Variants in ATP1B1 observed in about 807,000 individuals in gnomAD.
ATP1B1 encodes the protein sodium/potassium-transporting ATPase subunit beta-1.
ATP1B1 carries 3 observed loss-of-function variants against 39.6 expected under a neutral mutation model. The ratio of observed to expected loss-of-function variants is 0.08; its 90% CI spans 0.03 to 0.20. The LOEUF (loss-of-function observed/expected upper bound fraction) is 0.20. Ranked by LOEUF, ATP1B1 falls within the 10% of genes least tolerant of loss-of-function variation. ATP1B1 has a pLI of 1.00. For missense variants in ATP1B1, 216 were observed against 371.1 expected, an observed-to-expected ratio of 0.58 and a Z score of 3.43; for synonymous variants, 139 against 135.0, an observed-to-expected ratio of 1.03 and a Z score of -0.20.
At chr1:169,107,273 G>A (rs1657616544) in intron 1 of ATP1B1, among the ~76,000 whole-genome samples, 1 of 150,708 alleles carries the variant, frequency 6.6e-6, no homozygotes, top group African/African-American at 2.5e-5. Flanking sequence ...TGTCTCTCCC[G>A]TGTCCTGAGT....
At chr1:169,113,769 G>A (rs146591759) in intron 2 of ATP1B1, among the ~76,000 whole-genome samples, 458 of 152,266 alleles carry the variant, frequency 3.0e-3, no homozygotes, top group African/African-American at 0.01. Flanking sequence ...CTTCTCCAAA[G>A]GAATGCTGGT....
chr1:169,112,141 G>T (rs1373658209), intron 2 of ATP1B1, among the ~76,000 whole-genome samples: 1 of 152,158 alleles, frequency 6.6e-6, no homozygotes, highest in Non-Finnish European at 1.5e-5. Flanking sequence ...CAGCTTTCTG[G>T]TCCCACTTTG....
intron 2 of ATP1B1, among the ~76,000 whole-genome samples, chr1:169,121,456 A>G (rs951520675): frequency 3.3e-5 from 5 of 152,160 alleles, no homozygotes; most frequent in African/African-American, 1.2e-4. Context: ...TTAATAGTGG[A>G]AACCGTGGAC....
At chr1:169,107,043 G>A (rs1266041282) in intron 1 of ATP1B1, 117 bp downstream of exon 1, 2 of 1,008,544 alleles carry the variant, frequency 2.0e-6, no homozygotes, top group African/African-American at 1.7e-5. Flanking sequence ...GGTGGCGGGG[G>A]CGAGGGTGGT....
intron 2 of ATP1B1, among the ~76,000 whole-genome samples, chr1:169,124,191 T>G (rs1010496805): frequency 2.6e-5 from 4 of 151,870 alleles, no homozygotes; most frequent in Non-Finnish European, 4.4e-5. Context: ...TGTAACAGAG[T>G]TTTAGAGAGT....
At position 169,130,027 on chromosome 1, in the gene ATP1B1, C is replaced by T; in HGVS notation, c.585C>T (p.Ser195=). 1 of 1,613,926 alleles carries T rather than the reference C, an allele frequency of 6.2e-7. No homozygotes were observed. Among genetic ancestry groups the T allele is most frequent in the Non-Finnish European group, 8.5e-7 (1 of 1,179,928 alleles). ...ATTTTTAGCCTCCCAAGAATGAGTC[C>T]TTGGAGACTTACCCAGTGATGAAGT... ...GFKPKPPKNE[S]LETYPVMKYN... The change falls in exon 5 of 6, where the codon TCC becomes TCT. Residue 195 remains serine, a synonymous_variant. Transcript: ENST00000367815.
In ATP1B1 at chr1:169,132,019, A is replaced by ATTTT. The variant is rs34447553; in HGVS notation, c.*483_*486dup. ...CAACGGGAATAAAACTGGCATGGTA[A>ATTTT]TTTTTTTTTTTTTTTTTTTTTTGTT... On this transcript the variant is annotated 3_prime_UTR_variant, in exon 6 of 6. Coordinates refer to ENST00000367815, the MANE Select transcript of ATP1B1 (RefSeq NM_001677.4). The ATTTT allele has an allele frequency of 3.9e-3, 747 of 190,798 alleles. 14 individuals are homozygous for ATTTT. The highest frequency in any genetic ancestry group is 0.021 in the East Asian group (93 of 4,394). 11.8% of individuals were successfully genotyped at this position (190,798 alleles called of 1,614,324 possible).
intron 4 of ATP1B1, among the ~76,000 whole-genome samples, chr1:169,129,229 C>T (rs763033415): frequency 6.6e-6 from 1 of 152,212 alleles, no homozygotes; most frequent in Non-Finnish European, 1.5e-5. Flanking sequence ...GTATGTGTTA[C>T]ATCTCACATC....
At chr1:169,127,689 C>G (rs1658116956) in intron 4 of ATP1B1, among the ~76,000 whole-genome samples, 1 of 151,772 alleles carries the variant, frequency 6.6e-6, no homozygotes, top group African/African-American at 2.4e-5. Context: ...ATCCAGATAA[C>G]AGTTTCTATA....
In ATP1B1 at chr1:169,106,771, G is replaced by A. The variant is rs1359857679; in HGVS notation, c.-59G>A. ...AAGCCGAGCGGCGCAGAGGACGCCAGGGCGCGCGCCGCAGCCACCCACCCT... is the reference window on the plus strand; with the variant it reads ...AAGCCGAGCGGCGCAGAGGACGCCAAGGCGCGCGCCGCAGCCACCCACCCT... On this transcript the variant is annotated 5_prime_UTR_variant, in exon 1 of 6. Transcript: ENST00000367815. 3 of 1,434,794 alleles carry A rather than the reference G, an allele frequency of 2.1e-6. No homozygotes were observed. The highest frequency in any genetic ancestry group is 1.3e-5 in the South Asian group (1 of 79,420). 88.9% of individuals were successfully genotyped at this position (1,434,794 alleles called of 1,614,324 possible). A position where few individuals can be genotyped will look rare whatever the true frequency, so the allele number is the denominator to read the frequency against.
chr1:169,115,021 A>G (rs1657811694), intron 2 of ATP1B1, among the ~76,000 whole-genome samples: 2 of 151,828 alleles, frequency 1.3e-5, no homozygotes, highest in African/African-American at 4.8e-5. Context: ...CGTCTCTACT[A>G]AAAAATACAA....
In ATP1B1 at chr1:169,111,442, T is replaced by C. The variant is rs1179169639; in HGVS notation, c.170T>C (p.Met57Thr). 1.2e-6 allele frequency: 2 copies of C among 1,614,104 alleles called. No individual in the cohort carries two copies. Among genetic ancestry groups the C allele is most frequent in the Non-Finnish European group, 1.7e-6 (2 of 1,180,044 alleles). Residue 57 changes from methionine to threonine, a missense_variant, in exon 2 of 6, where the codon ATG becomes ACG. Coordinates refer to ENST00000367815, the MANE Select transcript of ATP1B1 (RefSeq NM_001677.4). Reference protein sequence around the residue: ...AGIFIGTIQVMLLTISEFKPT... With the variant: ...AGIFIGTIQVTLLTISEFKPT... ...ATCTTCATCGGAACCATCCAAGTGA[T>C]GCTGCTCACCATCAGTGAATTTAAG...
In ATP1B1 at chr1:169,106,747, A is replaced by G. The variant is rs1236620749; in HGVS notation, c.-83A>G. 2.6e-6 allele frequency: 3 copies of G among 1,145,374 alleles called. No individual in the cohort carries two copies. The highest frequency in any genetic ancestry group is 3.2e-5 in the South Asian group (2 of 62,546). 71.0% of individuals were successfully genotyped at this position (1,145,374 alleles called of 1,614,324 possible). On this transcript the variant is annotated 5_prime_UTR_variant, in exon 1 of 6. Coordinates refer to ENST00000367815, the MANE Select transcript of ATP1B1 (RefSeq NM_001677.4). Reference sequence around the variant, plus strand: ...TGCCTGCAGAGAGCCAGGCCGGAGAAGCCGAGCGGCGCAGAGGACGCCAGG... The same window carrying G: ...TGCCTGCAGAGAGCCAGGCCGGAGAGGCCGAGCGGCGCAGAGGACGCCAGG...
rs150539946 is a variant in ATP1B1 at position 169,125,102 on chromosome 1, C to G, written c.382+63C>G. The G allele has an allele frequency of 8.0e-6, 12 of 1,495,264 alleles. No homozygotes were observed. In the East Asian group the frequency reaches 2.9e-4, roughly 36 times the overall value. The allele number at this position is 1,495,264 out of a possible 1,614,324, so 92.6% of individuals were successfully genotyped here. A position where few individuals can be genotyped will look rare whatever the true frequency, so the allele number is the denominator to read the frequency against. ...CTTTCTCTTTAACTCTTATTTCCCACTTCTATTTTTTGTTTAATGATCGAG... is the reference window on the plus strand; with the variant it reads ...CTTTCTCTTTAACTCTTATTTCCCAGTTCTATTTTTTGTTTAATGATCGAG... On this transcript the variant is annotated intron_variant, in intron 3 of 5. Transcript: ENST00000367815.
At chr1:169,126,338 T>C (rs1191632535) in intron 3 of ATP1B1, among the ~76,000 whole-genome samples, 1 of 103,034 alleles carries the variant, frequency 9.7e-6, no homozygotes, top group African/African-American at 3.0e-5. Flanking sequence ...AAACTATACA[T>C]AAATTATGGT....
At position 169,106,707 on chromosome 1, in the gene ATP1B1, G is replaced by T; in HGVS notation, c.-123G>T. On this transcript the variant is annotated 5_prime_UTR_variant, in exon 1 of 6. Transcript: ENST00000367815. Reference sequence around the variant, plus strand: ...CGTCTCGCACTCCGAGAGCCGCAGCGGCAGCGGCGCGTCCTGCCTGCAGAG... The same window carrying T: ...CGTCTCGCACTCCGAGAGCCGCAGCTGCAGCGGCGCGTCCTGCCTGCAGAG... The T allele has an allele frequency of 1.6e-6, 1 of 638,748 alleles. No individual in the cohort carries two copies. Among genetic ancestry groups the T allele is most frequent in the Non-Finnish European group, 2.4e-6 (1 of 417,622 alleles). 39.6% of individuals were successfully genotyped at this position (638,748 alleles called of 1,614,324 possible).
Position 169,132,700 on chromosome 1 carries a change from A to C in ATP1B1, c.*1145A>C. The C allele has an allele frequency of 7.7e-7, 1 of 1,294,756 alleles. No individual in the cohort carries two copies. Among genetic ancestry groups the C allele is most frequent in the Non-Finnish European group, 1.1e-6 (1 of 904,888 alleles). 80.2% of individuals were successfully genotyped at this position (1,294,756 alleles called of 1,614,324 possible). On this transcript the variant is annotated 3_prime_UTR_variant, in exon 6 of 6. Transcript: ENST00000367815. Reference sequence around the variant, plus strand: ...GTATTCAGTCAGGTTAAAACAACGGACAATAAAAGAATGAACACATTCCTC... The same window carrying C: ...GTATTCAGTCAGGTTAAAACAACGGCCAATAAAAGAATGAACACATTCCTC...
intron 1 of ATP1B1, among the ~76,000 whole-genome samples, chr1:169,107,452 C>G (rs1264182639): frequency 6.6e-6 from 1 of 152,186 alleles, no homozygotes; most frequent in Non-Finnish European, 1.5e-5. Context: ...TAGTATTTCA[C>G]AGCGATGGCT....
At chr1:169,115,185 CAAAA>C (rs35200858) in intron 2 of ATP1B1, among the ~76,000 whole-genome samples, 1 of 79,030 alleles carries the variant, frequency 1.3e-5, no homozygotes, top group Non-Finnish European at 2.6e-5. Context: ...GACTCCATCT[CAAAA>C]AAAAAAAAAA....
Sources: allele counts gnomAD v4.1 joint callset (sites outside exome capture counted in the v4.1 genomes callset), GRCh38; gene constraint gnomAD v4.1.1; transcripts MANE v1.5; gene names NCBI Gene and HGNC (gene_info 2026-07-23, HGNC 2026-07-21).